Variants in ITGB3 observed in about 807,000 individuals in gnomAD.
ITGB3 encodes the protein integrin subunit beta 3, also known as integrin beta-3.
A neutral mutation model predicts 85.8 loss-of-function variants in ITGB3; 48 were observed. The ratio of observed to expected loss-of-function variants is 0.56; its 90% confidence interval spans 0.44 to 0.71. The LOEUF (loss-of-function observed/expected upper bound fraction) is 0.71, where lower values mean the gene tolerates loss of function less well. Ranked by LOEUF, ITGB3 falls within the 30% of genes least tolerant of loss-of-function variation. The probability of loss-of-function intolerance (pLI) is 0.00; values close to 1 mark genes in which losing one functional copy is unlikely to be tolerated. For missense variants in ITGB3, 861 were observed against 1,019.1 expected (o/e 0.84, Z 2.11); for synonymous variants, 363 against 395.6 (o/e 0.92, Z 0.98).
chr17:47,303,253 AAAAC>A (rs912350107), intron 13 of ITGB3, among the ~76,000 whole-genome samples: 3 of 152,232 alleles, frequency 2.0e-5, no homozygotes, highest in East Asian at 1.9e-4. Flanking sequence ...CTGTCTCAAA[AAAAC>A]AAACAAACAA....
chr17:47,286,278 G>A lies in ITGB3; in HGVS notation c.633G>A (p.Leu211=), dbSNP rs772224387. 1.2e-6 allele frequency: 2 copies of A among 1,614,126 alleles called. No individual in the cohort carries two copies. Among genetic ancestry groups the A allele is most frequent in the South Asian group, 1.1e-5 (1 of 91,080 alleles). ...TCCCCAGTATGAAGACCACCTGCTT[G>A]CCCATGTTTGGCTACAAACACGTGC... is the stretch of plus-strand genomic sequence containing the variant. ...NPCYDMKTTC[L]PMFGYKHVLT... is the part of the protein sequence containing the mutation. Residue 211 remains leucine (L), a synonymous_variant, in exon 5 of 15, where the codon TTG becomes TTA. Coordinates refer to ENST00000559488, the MANE Select transcript of ITGB3 (RefSeq NM_000212.3).
At chr17:47,300,352 T>TGG in intron 11 of ITGB3, 126 bp from the exon 12 acceptor site, 1 of 732,108 alleles carries the variant, frequency 1.4e-6, no homozygotes, top group Non-Finnish European at 2.4e-6. Flanking sequence ...CGCGCGTGTG[T>TGG]GTGTGTGTGT....
At chr17:47,257,388 C>T (rs2064994211) in intron 1 of ITGB3, among the ~76,000 whole-genome samples, 1 of 152,166 alleles carries the variant, frequency 6.6e-6, no homozygotes, top group Admixed American at 6.5e-5. Context: ...TTGCTTTACC[C>T]ATAAGAAAAC....
chr17:47,300,334 G>GGA, intron 11 of ITGB3, 144 bp from the exon 12 acceptor site: 30 of 501,848 alleles, frequency 6.0e-5, no homozygotes, highest in South Asian at 7.3e-5. Flanking sequence ...TTGTCTTACA[G>GGA]GCGCGCGCGC....
intron 1 of ITGB3, among the ~76,000 whole-genome samples, chr17:47,256,421 T>C (rs144981777): frequency 6.6e-6 from 1 of 152,040 alleles, no homozygotes; most frequent in Non-Finnish European, 1.5e-5. Flanking sequence ...TGAGAAGCAG[T>C]GTACAGTAGT....
At chr17:47,275,264 G>C (rs948386806) in intron 2 of ITGB3, among the ~76,000 whole-genome samples, 2 of 152,160 alleles carry the variant, frequency 1.3e-5, no homozygotes, top group Admixed American at 1.3e-4. Flanking sequence ...GAGGATGGAA[G>C]GGGGACAGGA....
intron 2 of ITGB3, among the ~76,000 whole-genome samples, chr17:47,278,582 T>TAA (rs57066134): frequency 6.9e-6 from 1 of 145,668 alleles, no homozygotes; most frequent in African/African-American, 2.5e-5. Flanking sequence ...AAACTCCATC[T>TAA]AAAAAAAAAA....
Position 47,312,960 on chromosome 17 carries a change from C to G in ITGB3, c.*2756C>G, listed in dbSNP as rs1700061144. Among the ~76,000 whole-genome samples, 2 of 152,080 alleles carry G rather than the reference C, an allele frequency of 1.3e-5. No homozygotes were observed. Among genetic ancestry groups the G allele is most frequent in the Non-Finnish European group, 2.9e-5 (2 of 68,010 alleles). On this transcript the variant is annotated 3_prime_UTR_variant, in exon 15 of 15. Coordinates refer to ENST00000559488, the MANE Select transcript of ITGB3 (RefSeq NM_000212.3). ...GTCAGTTCTTTACTTCTCTGAGATTCCCAGGTCATCCATGATTTTTTTTTT... is the reference window on the plus strand; with the variant it reads ...GTCAGTTCTTTACTTCTCTGAGATTGCCAGGTCATCCATGATTTTTTTTTT...
intron 1 of ITGB3, among the ~76,000 whole-genome samples, chr17:47,255,999 A>ATAAT (rs2064988322): frequency 6.6e-6 from 1 of 151,926 alleles, no homozygotes; most frequent in African/African-American, 2.4e-5. Context: ...AAATAAATAC[A>ATAAT]TAATTAAAAA....
At chr17:47,267,820 A>G (rs2065030689) in intron 1 of ITGB3, among the ~76,000 whole-genome samples, 1 of 152,208 alleles carries the variant, frequency 6.6e-6, no homozygotes, top group Non-Finnish European at 1.5e-5. Flanking sequence ...GGGTGGTTAA[A>G]TGAATAGACT....
intron 10 of ITGB3, among the ~76,000 whole-genome samples, chr17:47,294,789 A>C (rs1231483939): frequency 6.6e-6 from 1 of 152,140 alleles, no homozygotes; most frequent in Non-Finnish European, 1.5e-5. Context: ...CCCACTCACC[A>C]TTGCCCCTTG....
In ITGB3 at chr17:47,290,239, A is replaced by G; in HGVS notation, c.1090A>G (p.Ser364Gly). The G allele has an allele frequency of 6.2e-7, 1 of 1,614,124 alleles. No homozygotes were observed. The highest frequency in any genetic ancestry group is 8.5e-7 in the Non-Finnish European group (1 of 1,179,998). Residue 364 changes from serine to glycine, a missense_variant, in exon 8 of 15, where the codon AGC (serine) becomes GGC (glycine). Ser to Gly is a moderately conservative substitution (Grantham distance 56, BLOSUM62 0). Coordinates refer to ENST00000559488, the MANE Select transcript of ITGB3 (RefSeq NM_000212.3). ...AGTTGGGGTTCTGTCCATGGATTCC[A>G]GCAATGTCCTCCAGCTCATTGTTGA... ...TTVGVLSMDS[S>G]NVLQLIVDAY...
chr17:47,267,754 TTC>T (rs2065030528), intron 1 of ITGB3, among the ~76,000 whole-genome samples: 1 of 152,164 alleles, frequency 6.6e-6, no homozygotes, highest in African/African-American at 2.4e-5. Flanking sequence ...TTGCAAAACT[TTC>T]TATTGTGGCT....
At chr17:47,270,858 G>A (rs2065041968) in intron 1 of ITGB3, among the ~76,000 whole-genome samples, 1 of 152,134 alleles carries the variant, frequency 6.6e-6, no homozygotes, top group South Asian at 2.1e-4. Context: ...AGGGTTTTTG[G>A]GAGAACAATG....
intron 1 of ITGB3, among the ~76,000 whole-genome samples, chr17:47,262,723 T>C (rs1435300420): frequency 6.6e-6 from 1 of 152,184 alleles, no homozygotes; most frequent in East Asian, 1.9e-4. Flanking sequence ...CCCAGAGTGA[T>C]TTCTTCACTA....
intron 6 of ITGB3, among the ~76,000 whole-genome samples, chr17:47,288,825 G>T (rs567393147): frequency 1.5e-4 from 23 of 152,284 alleles, no homozygotes; most frequent in African/African-American, 2.9e-4. Context: ...GAGGAGAAAG[G>T]ATATATATAT....
intron 1 of ITGB3, among the ~76,000 whole-genome samples, chr17:47,258,034 C>T (rs2064996334): frequency 6.6e-6 from 1 of 152,200 alleles, no homozygotes; most frequent in South Asian, 2.1e-4. Flanking sequence ...AACCCTTCTT[C>T]CCTTGTTGGC....
At chr17:47,295,755 T>G (rs1598696588) in intron 10 of ITGB3, among the ~76,000 whole-genome samples, 2 of 116,434 alleles carry the variant, frequency 1.7e-5, no homozygotes, top group Non-Finnish European at 1.7e-5. Context: ...AAATGCAGGG[T>G]GTAGTGAAAG....
intron 1 of ITGB3, among the ~76,000 whole-genome samples, chr17:47,271,321 A>G (rs937683770): frequency 3.3e-5 from 5 of 152,206 alleles, no homozygotes; most frequent in African/African-American, 1.2e-4. Flanking sequence ...TAAAGTATAT[A>G]TAATTTTAAC....
Sources: allele counts gnomAD v4.1 joint callset (sites outside exome capture counted in the v4.1 genomes callset), GRCh38; gene constraint gnomAD v4.1.1; transcripts MANE v1.5; gene names NCBI Gene and HGNC (gene_info 2026-07-23, HGNC 2026-07-21).